Variants in HCN1 observed in about 807,000 individuals in gnomAD.
HCN1 encodes hyperpolarization activated cyclic nucleotide gated potassium channel 1.
HCN1 carries 13 observed loss-of-function variants against 78.9 expected under a neutral mutation model. The observed-to-expected ratio is 0.16, with a 90% CI of 0.11 to 0.26. The LOEUF is 0.26. Ranked by LOEUF, HCN1 falls within the 10% of genes least tolerant of loss-of-function variation. The pLI is 1.00. For synonymous variants in HCN1, 552 were observed against 455.5 expected, an observed-to-expected ratio of 1.21 and a Z score of -2.70; for missense variants, 810 against 1,154.3, an observed-to-expected ratio of 0.70 and a Z score of 4.32.
intron 3 of HCN1, among the ~76,000 whole-genome samples, chr5:45,430,362 G>T (rs2112076331): frequency 6.6e-6 from 1 of 151,770 alleles, no homozygotes; most frequent in South Asian, 2.1e-4. Context: ...TAGGGGTTTG[G>T]TGTACAGATT....
At chr5:45,665,872 TTC>T (rs1189339711) in intron 1 of HCN1, among the ~76,000 whole-genome samples, 2 of 152,084 alleles carry the variant, frequency 1.3e-5, no homozygotes, top group South Asian at 4.1e-4. Context: ...TCTCTCTAAT[TTC>T]TCTGACCTTT....
intron 3 of HCN1, among the ~76,000 whole-genome samples, chr5:45,438,390 A>C (rs1291844755): frequency 1.3e-5 from 2 of 152,136 alleles, no homozygotes; most frequent in African/African-American, 2.4e-5. Flanking sequence ...CAGGAGATCG[A>C]GACCATACTG....
intron 2 of HCN1, among the ~76,000 whole-genome samples, chr5:45,592,171 T>C (rs548997889): frequency 1.3e-5 from 2 of 152,282 alleles, no homozygotes; most frequent in South Asian, 4.1e-4. Flanking sequence ...CTTTGGCCAC[T>C]ACCATACTAT....
At chr5:45,328,875 C>T (rs895880192) in intron 5 of HCN1, among the ~76,000 whole-genome samples, 3 of 151,570 alleles carry the variant, frequency 2.0e-5, no homozygotes, top group Non-Finnish European at 4.4e-5. Context: ...ATCTACTTTG[C>T]ATAGATGTGG....
rs532268516 is a variant in HCN1 at position 45,296,862 on chromosome 5, T to A, written c.1618+6737A>T. Among the ~76,000 whole-genome samples the A allele has an allele frequency of 5.4e-4, 82 of 152,056 alleles. 1 individual carries two copies. Among genetic ancestry groups the A allele is most frequent in the Middle Eastern group, 3.4e-3 (1 of 294 alleles). On this transcript the variant is annotated intron_variant, in intron 6 of 7. Transcript: ENST00000303230. ...TTTAATTTAGATGCAGTGGAGCAAT[T>A]CCTGGAAAGTACAAACTAATAAAAT...
chr5:45,548,598 C>A (rs1227093948), intron 2 of HCN1, among the ~76,000 whole-genome samples: 3 of 152,032 alleles, frequency 2.0e-5, no homozygotes, highest in South Asian at 2.1e-4. Context: ...GACAGGGATG[C>A]CCTCTCTCAC....
chr5:45,543,438 T>C (rs1042242958), intron 2 of HCN1, among the ~76,000 whole-genome samples: 3 of 152,104 alleles, frequency 2.0e-5, no homozygotes, highest in Admixed American at 6.6e-5. Flanking sequence ...ATTCCAATTC[T>C]GTTACAAGAT....
chr5:45,513,402 A>T (rs1170625742), intron 2 of HCN1, among the ~76,000 whole-genome samples: 1 of 152,140 alleles, frequency 6.6e-6, no homozygotes, highest in African/African-American at 2.4e-5. Flanking sequence ...TTTCCTCATG[A>T]TAAATTATAG....
At chr5:45,685,860 T>C (rs772788754) in intron 1 of HCN1, among the ~76,000 whole-genome samples, 9 of 152,182 alleles carry the variant, frequency 5.9e-5, no homozygotes, top group Non-Finnish European at 8.8e-5. Context: ...ACCATTTACA[T>C]GGCCATTCCT....
At chr5:45,396,254 G>A (rs1739684871) in intron 4 of HCN1, among the ~76,000 whole-genome samples, 1 of 152,058 alleles carries the variant, frequency 6.6e-6, no homozygotes, top group Non-Finnish European at 1.5e-5. Context: ...TATTTTTTCT[G>A]TAGATGTAAA....
In HCN1 at chr5:45,642,685, C is replaced by CT. The variant is rs1169327543; in HGVS notation, c.849+2499dup. On this transcript the variant is annotated intron_variant, in intron 2 of 7. Coordinates refer to ENST00000303230, the MANE Select transcript of HCN1 (RefSeq NM_021072.4). ...TTTATTGCAAAAGCTCACAGAGCTACTTTTTCTGATTTATTTGTTGTATTT... is the reference window on the plus strand; with the variant it reads ...TTTATTGCAAAAGCTCACAGAGCTACTTTTTTCTGATTTATTTGTTGTATTT... The CT allele has an allele frequency of 1.2e-4, 19 of 152,220 alleles. No individual in the cohort carries two copies. In the East Asian group the frequency reaches 3.7e-3, roughly 29 times the overall value. The allele number at this position is 152,220 out of a possible 1,614,324, so 9.4% of individuals were successfully genotyped here. A position where few individuals can be genotyped will look rare whatever the true frequency, so the allele number is the denominator to read the frequency against.
At chr5:45,682,907 C>T (rs960105930) in intron 1 of HCN1, among the ~76,000 whole-genome samples, 5 of 151,962 alleles carry the variant, frequency 3.3e-5, no homozygotes, top group Non-Finnish European at 7.4e-5. Flanking sequence ...CATGTCTTTG[C>T]AATCTTGTCA....
chr5:45,509,839 G>A (rs1395484899), intron 2 of HCN1, among the ~76,000 whole-genome samples: 2 of 151,980 alleles, frequency 1.3e-5, no homozygotes, highest in African/African-American at 4.8e-5. Context: ...GCCTCACATG[G>A]CCTCGTTCAA....
chr5:45,316,564 G>A (rs1227285824), intron 5 of HCN1, among the ~76,000 whole-genome samples: 1 of 152,040 alleles, frequency 6.6e-6, no homozygotes, highest in Non-Finnish European at 1.5e-5. Context: ...TTCTGGCCAG[G>A]GCAATCAGGC....
intron 6 of HCN1, among the ~76,000 whole-genome samples, chr5:45,299,486 C>CTGG (rs918553351): frequency 1.3e-4 from 19 of 151,698 alleles, no homozygotes; most frequent in African/African-American, 4.1e-4. Flanking sequence ...TTTCAACATA[C>CTGG]TGGTGATTGG....
intron 2 of HCN1, among the ~76,000 whole-genome samples, chr5:45,626,943 C>T (rs575789784): frequency 1.8e-4 from 27 of 151,532 alleles, no homozygotes; most frequent in Middle Eastern, 3.5e-3. Flanking sequence ...TATATATACA[C>T]GCCATATATA....
chr5:45,583,436 C>A (rs1277110549), intron 2 of HCN1, among the ~76,000 whole-genome samples: 1 of 152,052 alleles, frequency 6.6e-6, no homozygotes, highest in African/African-American at 2.4e-5. Context: ...ATTAGTCTTG[C>A]TAGCAGTCCA....
At chr5:45,390,341 G>A (rs1739513476) in intron 4 of HCN1, among the ~76,000 whole-genome samples, 1 of 152,024 alleles carries the variant, frequency 6.6e-6, no homozygotes, top group Non-Finnish European at 1.5e-5. Context: ...TGACATATAA[G>A]GAATACAAAT....
intron 2 of HCN1, among the ~76,000 whole-genome samples, chr5:45,492,769 T>G (rs1741916298): frequency 6.6e-6 from 1 of 152,134 alleles, no homozygotes; most frequent in Admixed American, 6.6e-5. Flanking sequence ...CCCAAAGTGC[T>G]GGGATCACAG....
Sources: allele counts gnomAD v4.1 joint callset (sites outside exome capture counted in the v4.1 genomes callset), GRCh38; gene constraint gnomAD v4.1.1; transcripts MANE v1.5; gene names NCBI Gene and HGNC (gene_info 2026-07-23, HGNC 2026-07-21).